The following CRPPA variants were observed in gnomAD, a reference collection of about 807,000 sequenced individuals.
CRPPA encodes CDP-L-ribitol pyrophosphorylase A.
CRPPA carries 43 observed loss-of-function variants against 52.0 expected under a neutral mutation model. The ratio of observed to expected loss-of-function variants is 0.83; its 90% CI spans 0.65 to 1.07. The LOEUF is 1.07. CRPPA is among the 50% of genes least tolerant of loss of function. CRPPA has a pLI of 0.00. For missense variants in CRPPA, 629 were observed against 551.7 expected, an observed-to-expected ratio of 1.14 and a Z score of -1.40; for synonymous variants, 250 against 203.5, an observed-to-expected ratio of 1.23 and a Z score of -1.94.
intron 8 of CRPPA, among the ~76,000 whole-genome samples, chr7:16,254,814 AAAGAAAGAAAG>A (rs1783581106): frequency 1.4e-5 from 2 of 148,058 alleles, no homozygotes; most frequent in Non-Finnish European, 3.0e-5. Flanking sequence ...AGAAAGAAAG[AAAGAAAGAAAG>A]AAAGAAAGAA....
chr7:16,128,085 C>A (rs181732376), intron 9 of CRPPA, among the ~76,000 whole-genome samples: 1 of 151,992 alleles, frequency 6.6e-6, no homozygotes, highest in East Asian at 1.9e-4. Context: ...TTTTTACTCC[C>A]GCCAACAGTG....
intron 8 of CRPPA, chr7:16,248,130 T>G (rs979911506): frequency 1.5e-4 from 23 of 151,134 alleles, no homozygotes; most frequent in African/African-American, 5.6e-4. Flanking sequence ...AGGCCAGGAG[T>G]TCATGAACAG....
intron 3 of CRPPA, among the ~76,000 whole-genome samples, chr7:16,325,514 C>A (rs944881748): frequency 6.6e-6 from 1 of 152,022 alleles, no homozygotes; most frequent in Non-Finnish European, 1.5e-5. Context: ...GTTTCAGGAA[C>A]AATAAGAACT....
intron 3 of CRPPA, among the ~76,000 whole-genome samples, chr7:16,343,494 G>C (rs961225550): frequency 1.3e-5 from 2 of 152,138 alleles, no homozygotes; most frequent in African/African-American, 4.8e-5. Context: ...TATTCGACCT[G>C]TCTCAAAGTT....
At chr7:16,342,804 T>G (rs1422485154) in intron 3 of CRPPA, among the ~76,000 whole-genome samples, 1 of 123,570 alleles carries the variant, frequency 8.1e-6, no homozygotes, top group Non-Finnish European at 1.7e-5. Context: ...TATATCTATA[T>G]AGATATATAG....
chr7:16,378,841 T>G (rs1786987062), intron 2 of CRPPA, among the ~76,000 whole-genome samples: 1 of 152,220 alleles, frequency 6.6e-6, no homozygotes, highest in South Asian at 2.1e-4. Flanking sequence ...TGGTTTTGAT[T>G]TGCATTTCTC....
intron 9 of CRPPA, among the ~76,000 whole-genome samples, chr7:16,192,855 G>T (rs1265013855): frequency 6.6e-6 from 1 of 152,066 alleles, no homozygotes; most frequent in Non-Finnish European, 1.5e-5. Context: ...TGACACCTTT[G>T]TCAAAAATCA....
At chr7:16,104,379 T>C (rs983747813) in intron 9 of CRPPA, among the ~76,000 whole-genome samples, 1 of 152,326 alleles carries the variant, frequency 6.6e-6, no homozygotes, top group Non-Finnish European at 1.5e-5. Context: ...AAAATCAACA[T>C]ATAGATGAAG....
At chr7:16,231,179 G>C (rs1374243667) in intron 8 of CRPPA, among the ~76,000 whole-genome samples, 1 of 152,160 alleles carries the variant, frequency 6.6e-6, no homozygotes, top group Non-Finnish European at 1.5e-5. Flanking sequence ...CATGCTGCCA[G>C]AGTTGGGGAG....
At chr7:16,203,023 T>C (rs930891748) in intron 9 of CRPPA, among the ~76,000 whole-genome samples, 10 of 152,176 alleles carry the variant, frequency 6.6e-5, no homozygotes, top group African/African-American at 2.4e-4. Context: ...TAACTTACAG[T>C]ATATTTCACA....
intron 8 of CRPPA, among the ~76,000 whole-genome samples, chr7:16,236,246 G>T (rs1285329133): frequency 1.3e-5 from 2 of 152,076 alleles, no homozygotes; most frequent in Non-Finnish European, 2.9e-5. Flanking sequence ...ATACTACTCA[G>T]TAGGCAGAGG....
intron 3 of CRPPA, among the ~76,000 whole-genome samples, chr7:16,357,691 C>A (rs115914121): frequency 6.6e-6 from 1 of 152,086 alleles, no homozygotes; most frequent in East Asian, 1.9e-4. Context: ...GAGTCATAAA[C>A]GCCACAATAA....
intron 9 of CRPPA, among the ~76,000 whole-genome samples, chr7:16,158,363 A>C (rs1783232359): frequency 6.6e-6 from 1 of 152,200 alleles, no homozygotes; most frequent in Admixed American, 6.5e-5. Context: ...CCCCGATTCC[A>C]AACACAATAT....
Position 16,400,223 on chromosome 7 carries a change from G to T in CRPPA, c.534+5838C>A, listed in dbSNP as rs192561260. ...AACATGGTTGGCATGTGTCCAACACGTGGCTGACACAAGATCTACACATGA... is the reference window on the plus strand; with the variant it reads ...AACATGGTTGGCATGTGTCCAACACTTGGCTGACACAAGATCTACACATGA... On this transcript the variant is annotated intron_variant, in intron 2 of 9. Coordinates refer to ENST00000407010, the MANE Select transcript of CRPPA (RefSeq NM_001101426.4). 3.7e-4 allele frequency among the ~76,000 whole-genome samples: 38 copies of T among 102,166 alleles called. No individual in the cohort carries two copies. The East Asian group carries it at 8.7e-3, about 23-fold the overall frequency. 67.0% of individuals were successfully genotyped at this position (102,166 alleles called of 152,430 possible).
chr7:16,413,419 G>A (rs918259546), intron 1 of CRPPA, among the ~76,000 whole-genome samples: 4 of 152,140 alleles, frequency 2.6e-5, no homozygotes, highest in Non-Finnish European at 5.9e-5. Flanking sequence ...TTTTATTAAG[G>A]AAGCCTTGAG....
intron 5 of CRPPA, among the ~76,000 whole-genome samples, chr7:16,283,767 C>G (rs908191325): frequency 3.3e-5 from 5 of 151,740 alleles, no homozygotes; most frequent in African/African-American, 1.2e-4. Context: ...TTTAAAAACC[C>G]AAACCCACAC....
intron 9 of CRPPA, among the ~76,000 whole-genome samples, chr7:16,122,996 A>C (rs1782507223): frequency 6.6e-6 from 1 of 152,032 alleles, no homozygotes. Flanking sequence ...AGGAAGCAAA[A>C]TAGATTTGTT....
intron 6 of CRPPA, among the ~76,000 whole-genome samples, chr7:16,260,002 G>C (rs1412373132): frequency 1.3e-5 from 2 of 151,830 alleles, no homozygotes. Flanking sequence ...AATTCATATT[G>C]AGCATAAAGC....
chr7:16,229,019 A>G (rs887836040), intron 8 of CRPPA, among the ~76,000 whole-genome samples: 8 of 152,104 alleles, frequency 5.3e-5, no homozygotes, highest in Admixed American at 5.2e-4. Flanking sequence ...CTATCTTCTT[A>G]CTTGATCCCT....
Sources: allele counts gnomAD v4.1 joint callset (sites outside exome capture counted in the v4.1 genomes callset), GRCh38; gene constraint gnomAD v4.1.1; transcripts MANE v1.5; gene names NCBI Gene and HGNC (gene_info 2026-07-23, HGNC 2026-07-21).